The following GNAS-AS1 variants were observed in gnomAD, a reference collection of about 807,000 sequenced individuals.
The protein encoded by GNAS-AS1 is GNAS antisense RNA 1 (non-protein coding).
chr20:58,840,572 G>A lies in GNAS-AS1; in HGVS notation n.819+1365C>T, dbSNP rs776413759. 13 of 1,612,490 alleles carry A rather than the reference G, an allele frequency of 8.1e-6. No individual in the cohort carries two copies. The highest frequency in any genetic ancestry group is 4.0e-5 in the African/African-American group (3 of 74,872). ...GGTGGTGCCCAAGCACTCCACCTTC[G>A]GCCAGTCCCTCACCCAGCGTCTGCA... On this transcript the variant is annotated intron_variant and non_coding_transcript_variant, in intron 4 of 4. Coordinates refer to ENST00000424094, the Ensembl canonical transcript of GNAS-AS1. The surrounding 1 kb of genome is among the most constrained non-coding windows in gnomAD (Gnocchi z 6.0).
At chr20:58,849,752 G>A (rs1033805543) in intron 1 of GNAS-AS1, among the ~76,000 whole-genome samples, 25 of 152,140 alleles carry the variant, frequency 1.6e-4, no homozygotes, top group African/African-American at 5.8e-4. Flanking sequence ...CTTGAGTGCC[G>A]TCCTTCAGCC....
intron 4 of GNAS-AS1, among the ~76,000 whole-genome samples, chr20:58,833,191 T>G (rs2085578918): frequency 6.6e-6 from 1 of 152,254 alleles, no homozygotes; most frequent in Admixed American, 6.5e-5. Flanking sequence ...GCTCCTCACA[T>G]GCCTGAAACC....
chr20:58,830,466 ACAC>A (rs1217130311), intron 4 of GNAS-AS1, among the ~76,000 whole-genome samples: 2 of 64,788 alleles, frequency 3.1e-5, no homozygotes, highest in South Asian at 5.8e-4. Flanking sequence ...CACCACCACC[ACAC>A]CACCATCATC....
chr20:58,841,888 A>G lies in GNAS-AS1; in HGVS notation n.819+49T>C. On this transcript the variant is annotated intron_variant and non_coding_transcript_variant, in intron 4 of 4. Coordinates refer to ENST00000424094, the Ensembl canonical transcript of GNAS-AS1. This position sits in a 1 kb window ranked among gnomAD's most constrained non-coding sequence, Gnocchi z 5.0. Reference sequence around the variant, plus strand: ...CGCAAGTGGAAAGGTAAAGCGGAACAAGGGACAGGCTGGAGACGGGGGTCG... The same window carrying G: ...CGCAAGTGGAAAGGTAAAGCGGAACGAGGGACAGGCTGGAGACGGGGGTCG... The G allele has an allele frequency of 8.1e-7, 1 of 1,231,482 alleles. No individual in the cohort carries two copies. Among genetic ancestry groups the G allele is most frequent in the Non-Finnish European group, 1.0e-6 (1 of 987,906 alleles). The allele number at this position is 1,231,482 out of a possible 1,614,324, so 76.3% of individuals were successfully genotyped here.
Position 58,841,652 on chromosome 20 carries a change from G to T in GNAS-AS1, n.819+285C>A. On this transcript the variant is annotated intron_variant and non_coding_transcript_variant, in intron 4 of 4. Transcript: ENST00000424094. The surrounding 1 kb of genome is among the most constrained non-coding windows in gnomAD (Gnocchi z 5.0). ...AGCTGACCTCTCCCGGCGGCGGGCG[G>T]TTAGGGGAAAGTACCTGGGGGAAAG... The T allele has an allele frequency of 1.8e-6, 2 of 1,125,682 alleles. No homozygotes were observed. The highest frequency in any genetic ancestry group is 3.7e-4 in the Middle Eastern group (1 of 2,704). 69.7% of individuals were successfully genotyped at this position (1,125,682 alleles called of 1,614,324 possible).
At chr20:58,849,507 C>T (rs531282693) in intron 1 of GNAS-AS1, among the ~76,000 whole-genome samples, 5 of 152,230 alleles carry the variant, frequency 3.3e-5, no homozygotes, top group Non-Finnish European at 5.9e-5. Flanking sequence ...TTTTTCTGAA[C>T]TTCAGACCTT....
chr20:58,844,340 G>A (rs1041393703), intron 2 of GNAS-AS1, among the ~76,000 whole-genome samples: 2 of 152,182 alleles, frequency 1.3e-5, no homozygotes, highest in African/African-American at 4.8e-5. Context: ...TCACCCAGCA[G>A]AGGGATGAGA....
chr20:58,821,553 A>C (rs2085487428), intron 4 of GNAS-AS1, among the ~76,000 whole-genome samples: 1 of 152,198 alleles, frequency 6.6e-6, no homozygotes, highest in African/African-American at 2.4e-5. Flanking sequence ...AGAACATGGT[A>C]GGCACCATAA....
chr20:58,833,098 A>G (rs1165843078), intron 4 of GNAS-AS1, among the ~76,000 whole-genome samples: 3 of 152,240 alleles, frequency 2.0e-5, no homozygotes, highest in African/African-American at 7.2e-5. Flanking sequence ...CTCCCTAAAT[A>G]CACAGATTAT....
rs201174401 is a variant in GNAS-AS1, at chr20:58,831,324, C to CT, written n.819+10612dup. Among the ~76,000 whole-genome samples, 427 of 151,352 alleles carry CT rather than the reference C, an allele frequency of 2.8e-3. 18 individuals are homozygous for CT. In the East Asian group the frequency reaches 0.075, roughly 27 times the overall value. ...TCACATCGGGTTGCCAGCTGTTTTG[C>CT]TTTTTTTTAAAAAAATCTGCTAGAT... On this transcript the variant is annotated intron_variant and non_coding_transcript_variant, in intron 4 of 4. Transcript: ENST00000424094.
At chr20:58,839,094 T>TTC in intron 4 of GNAS-AS1, 3 of 398,494 alleles carry the variant, frequency 7.5e-6, no homozygotes, top group Non-Finnish European at 1.3e-5. Flanking sequence ...CAGCACCACC[T>TTC]TCTCAGCTCA....
At chr20:58,844,627 T>C (rs2085872488) in intron 2 of GNAS-AS1, among the ~76,000 whole-genome samples, 1 of 152,118 alleles carries the variant, frequency 6.6e-6, no homozygotes, top group Non-Finnish European at 1.5e-5. Context: ...CAGCTCCAAA[T>C]GTCTAGATTG....
chr20:58,845,202 C>T (rs1206306766), intron 2 of GNAS-AS1, among the ~76,000 whole-genome samples: 2 of 152,134 alleles, frequency 1.3e-5, no homozygotes, highest in Non-Finnish European at 2.9e-5. Flanking sequence ...GGTTGAGTGA[C>T]CACAAGTGCT....
intron 4 of GNAS-AS1, among the ~76,000 whole-genome samples, chr20:58,819,744 C>A (rs1198216299): frequency 2.0e-5 from 3 of 152,120 alleles, no homozygotes; most frequent in African/African-American, 7.2e-5. Flanking sequence ...GGAATGGGAA[C>A]CCAAGCAGAA....
At chr20:58,838,746 CT>C (rs2085631803) in intron 4 of GNAS-AS1, 1 of 345,592 alleles carries the variant, frequency 2.9e-6, no homozygotes, top group Non-Finnish European at 5.1e-6. Context: ...GGCGAAACCC[CT>C]CTCTACTAAA....
chr20:58,844,086 G>GT (rs1568912989), intron 2 of GNAS-AS1: 1 of 152,110 alleles, frequency 6.6e-6, no homozygotes, highest in Non-Finnish European at 1.5e-5. Flanking sequence ...TAAGAATGAG[G>GT]TTTTTTGGTT....
chr20:58,819,828 C>T lies in GNAS-AS1; in HGVS notation n.820-573G>A, dbSNP rs1178323061. Among the ~76,000 whole-genome samples, 3 of 152,196 alleles carry T rather than the reference C, an allele frequency of 2.0e-5. No individual in the cohort carries two copies. The South Asian group carries it at 6.2e-4, about 31-fold the overall frequency. On this transcript the variant is annotated intron_variant and non_coding_transcript_variant, in intron 4 of 4. Transcript: ENST00000424094. ...CAAACCCATCTACCTCTGGTCCCAA[C>T]CTTTGTCACGGACAAAAAACCCAGA...
At chr20:58,826,261 C>T (rs1409532202) in intron 4 of GNAS-AS1, 1 of 392,910 alleles carries the variant, frequency 2.5e-6, no homozygotes, top group African/African-American at 2.1e-5. Context: ...GCAATGTTGT[C>T]ATACTACTAT....
intron 4 of GNAS-AS1, among the ~76,000 whole-genome samples, chr20:58,827,648 C>G (rs890058262): frequency 6.6e-6 from 1 of 152,166 alleles, no homozygotes; most frequent in Non-Finnish European, 1.5e-5. Context: ...TGAAATAGAA[C>G]AAGGCAAATC....
Sources: gnomAD v4.1 joint callset for allele counts (sites outside exome capture counted in the v4.1 genomes callset) on GRCh38, gnomAD v4.1.1 for gene constraint, Gnocchi (gnomAD v3.1) non-coding constraint, MANE v1.5 for transcripts, NCBI Gene and HGNC (gene_info 2026-07-23, HGNC 2026-07-21) for gene names.